The following A2M variants were observed in gnomAD, a reference collection of about 807,000 sequenced individuals.
A2M encodes the protein alpha-2-macroglobulin.
A neutral mutation model predicts 183.9 loss-of-function variants in A2M; 128 were observed. The ratio of observed to expected loss-of-function variants is 0.70; its 90% CI spans 0.60 to 0.81. The LOEUF is 0.81. Among genes scored for constraint, A2M ranks in the 30% least tolerant of loss-of-function variants. A2M has a pLI of 0.00. For missense variants in A2M, 1,495 were observed against 1,787.6 expected (o/e 0.84, Z 2.95); for synonymous variants, 592 against 670.8 (o/e 0.88, Z 1.81).
chr12:9,081,690 T>G (rs144510848), intron 22 of A2M, among the ~76,000 whole-genome samples: 1 of 152,318 alleles, frequency 6.6e-6, no homozygotes, highest in African/African-American at 2.4e-5. Flanking sequence ...AGGAGTTCCC[T>G]GGGGTCACAG....
Position 9,080,113 on chromosome 12 carries a change from T to C in A2M, c.2835A>G (p.Arg945=). 2.5e-6 allele frequency: 4 copies of C among 1,588,410 alleles called. No homozygotes were observed. Among genetic ancestry groups the C allele is most frequent in the Non-Finnish European group, 3.4e-6 (4 of 1,166,606 alleles). Residue 945 remains arginine, a synonymous_variant, in exon 23 of 36, where the codon CGA becomes CGG. Transcript: ENST00000318602. ...ACTCACCCAAAACTGAGACAGAAGC[T>C]CGGGCAGATTCTTCTACCACATTTG... ...LPPNVVEESA[R]ASVSVLGDIL...
chr12:9,116,065 C>G, upstream of A2M: 1 of 554,000 alleles, frequency 1.8e-6, no homozygotes. Flanking sequence ...AGGTTAATTC[C>G]TGGCGGGCTA....
At chr12:9,071,491 G>T (rs1948578000) in intron 31 of A2M, among the ~76,000 whole-genome samples, 1 of 151,904 alleles carries the variant, frequency 6.6e-6, no homozygotes, top group African/African-American at 2.4e-5. Flanking sequence ...TTGTTATATA[G>T]GTAAACTCGT....
At chr12:9,093,030 G>T (rs1949259557) in intron 18 of A2M, among the ~76,000 whole-genome samples, 1 of 152,232 alleles carries the variant, frequency 6.6e-6, no homozygotes, top group Non-Finnish European at 1.5e-5. Context: ...GATCTTACTT[G>T]TATGTGGATG....
chr12:9,097,499 CAA>C (rs1949417219), intron 15 of A2M, among the ~76,000 whole-genome samples: 1 of 152,092 alleles, frequency 6.6e-6, no homozygotes, highest in Admixed American at 6.5e-5. Context: ...TCCATATTTT[CAA>C]AGAGTTCAGT....
intron 16 of A2M, 94 bp from the exon 17 acceptor site, chr12:9,095,178 T>G: frequency 1.6e-6 from 1 of 623,332 alleles, no homozygotes. Flanking sequence ...AGCAATCCAG[T>G]TAACTTAAAT....
At chr12:9,100,855 G>A (rs773085112) in intron 13 of A2M, among the ~76,000 whole-genome samples, 3 of 152,134 alleles carry the variant, frequency 2.0e-5, no homozygotes, top group African/African-American at 7.2e-5. Flanking sequence ...AAGTTATGAG[G>A]ATGCAAAGGC....
chr12:9,108,713 C>A (rs1938495256), intron 7 of A2M, among the ~76,000 whole-genome samples: 1 of 152,104 alleles, frequency 6.6e-6, no homozygotes, highest in Admixed American at 6.6e-5. Flanking sequence ...AACATAAGAT[C>A]CAGGAAACAA....
intron 10 of A2M, 32 bp from the exon 11 acceptor site, chr12:9,104,432 T>C (rs1051660097): frequency 1.3e-6 from 2 of 1,549,684 alleles, no homozygotes; most frequent in Non-Finnish European, 1.7e-6. Context: ...TTAGTTATAT[T>C]GGTAATAACT....
rs766679974 is a variant in A2M, at chr12:9,076,815, C to T, written c.3473G>A (p.Gly1158Asp). The change falls in exon 28 of 36, where the codon GGT becomes GAT. Residue 1158 changes from glycine to aspartate, a missense_variant. Gly to Asp is a moderately conservative substitution (Grantham distance 94, BLOSUM62 -1). Coordinates refer to ENST00000318602, the MANE Select transcript of A2M (RefSeq NM_000014.6). ...TACTTCCTTCCTCTTGTCCTGGTTA[C>T]CTGCCAGGGCAAAAGCATAGGCCAG... ...ALLAYAFALAGNQDKRKEVLK... is the reference protein window; with the variant it reads ...ALLAYAFALADNQDKRKEVLK... 6.2e-7 allele frequency: 1 copy of T among 1,614,026 alleles called. No homozygotes were observed. The highest frequency in any genetic ancestry group is 8.5e-7 in the Non-Finnish European group (1 of 1,179,968).
intron 19 of A2M, 44 bp from the exon 20 acceptor site, chr12:9,090,526 A>C (rs1949179653): frequency 6.2e-7 from 1 of 1,601,292 alleles, no homozygotes; most frequent in East Asian, 2.2e-5. Context: ...GAAGGAGAAC[A>C]GAGGGAGAAT....
In A2M at chr12:9,068,755, C is replaced by G; in HGVS notation, c.4351G>C (p.Asp1451His). 1 of 1,604,790 alleles carries G rather than the reference C, an allele frequency of 6.2e-7. No homozygotes were observed. Among genetic ancestry groups the G allele is most frequent in the Non-Finnish European group, 8.5e-7 (1 of 1,175,106 alleles). ...DLKPAIVKVY[D>H]YYETDEFAIA... ...TCTCACTCACCCGTCTCGTAGTAAT[C>G]ATAGACTTTCACTATGGCTGGTTTC... is the stretch of plus-strand genomic sequence containing the variant. Residue 1451 changes from aspartate (D) to histidine (H), a missense_variant, in exon 34 of 36, where the codon GAT becomes CAT. Coordinates refer to ENST00000318602, the MANE Select transcript of A2M (RefSeq NM_000014.6).
intron 22 of A2M, among the ~76,000 whole-genome samples, chr12:9,086,736 G>A (rs912746251): frequency 6.6e-6 from 1 of 152,258 alleles, no homozygotes; most frequent in East Asian, 1.9e-4. Context: ...ACAAGACAAG[G>A]ATACCCACTG....
At chr12:9,115,975 C>G, upstream of A2M, 1 of 778,648 alleles carries the variant, frequency 1.3e-6, no homozygotes, top group African/African-American at 1.7e-5. Flanking sequence ...ACAGGAAGTT[C>G]CACCCACACA....
intron 15 of A2M, among the ~76,000 whole-genome samples, chr12:9,097,632 CTTTTTT>C (rs34844537): frequency 2.4e-5 from 3 of 127,112 alleles, no homozygotes; most frequent in Non-Finnish European, 1.7e-5. Context: ...TGATGTAATT[CTTTTTT>C]TTTTTTTTTT....
intron 14 of A2M, 23 bp downstream of exon 14, chr12:9,099,358 A>G: frequency 6.5e-7 from 1 of 1,550,132 alleles, no homozygotes; most frequent in East Asian, 2.4e-5. Flanking sequence ...CATGTTGAAG[A>G]TTTTATGATC....
Position 9,072,810 on chromosome 12 carries a change from C to T in A2M, c.3818G>A (p.Gly1273Glu). ...KYGAATFTRTGKAAQVTIQSS... is the reference protein window; with the variant it reads ...KYGAATFTRTEKAAQVTIQSS... ...CTGGATAGTCACCTGTGCAGCCTTC[C>T]CAGTCCTGGTAAATGTGGCTGCTCC... Residue 1273 changes from glycine (G) to glutamate (E), a missense_variant, in exon 30 of 36, where the codon GGG becomes GAG. Coordinates refer to ENST00000318602, the MANE Select transcript of A2M (RefSeq NM_000014.6). 6.2e-7 allele frequency: 1 copy of T among 1,614,132 alleles called. No homozygotes were observed. Among genetic ancestry groups the T allele is most frequent in the Non-Finnish European group, 8.5e-7 (1 of 1,180,028 alleles).
In A2M at chr12:9,069,813, G is replaced by A. The variant is rs1228538514; in HGVS notation, c.4195C>T (p.Leu1399Phe). Residue 1399 changes from leucine (L) to phenylalanine (F), a missense_variant and splice_region_variant, in exon 33 of 36, where the codon CTT (leucine) becomes TTT (phenylalanine). Coordinates refer to ENST00000318602, the MANE Select transcript of A2M (RefSeq NM_000014.6). ...CGGCTCACATGGTTAGATCTTTCAA[G>A]CTGAAGAAAATTGAAATACCACAAA... ...FIPLKPTVKM[L>F]ERSNHVSRTE... is the part of the protein sequence containing the mutation. 8.7e-6 allele frequency: 14 copies of A among 1,613,300 alleles called. No individual in the cohort carries two copies. Among genetic ancestry groups the A allele is most frequent in the Non-Finnish European group, 1.2e-5 (14 of 1,179,478 alleles).
intron 22 of A2M, among the ~76,000 whole-genome samples, chr12:9,083,078 C>G (rs991562279): frequency 5.9e-5 from 9 of 152,194 alleles, no homozygotes; most frequent in African/African-American, 2.2e-4. Flanking sequence ...TCTCCAGCAC[C>G]TGTTGTTTCC....
Sources: gnomAD v4.1 joint callset for allele counts (sites outside exome capture counted in the v4.1 genomes callset) on GRCh38, gnomAD v4.1.1 for gene constraint, MANE v1.5 for transcripts, NCBI Gene and HGNC (gene_info 2026-07-23, HGNC 2026-07-21) for gene names.